CCT6A: variants seen among roughly 807,000 people sequenced by gnomAD.
The protein encoded by CCT6A is T-complex protein 1 subunit zeta.
In CCT6A, 6 loss-of-function variants were observed where a neutral mutation model predicts 58.6. That is an observed-to-expected ratio of 0.10 (90% CI 0.06 to 0.20). CCT6A has a LOEUF of 0.20. Among genes scored for constraint, CCT6A ranks in the 10% least tolerant of loss-of-function variants. The pLI is 1.00. For synonymous variants in CCT6A, 245 were observed against 227.8 expected (o/e 1.08, Z -0.68); for missense variants, 516 against 648.8 (o/e 0.80, Z 2.22).
chr7:56,061,937 A>C, intron 12 of CCT6A, 88 bp downstream of exon 12: 1 of 684,464 alleles, frequency 1.5e-6, no homozygotes, highest in Non-Finnish European at 2.4e-6. Context: ...TTTGCTTTGC[A>C]ATTTGACACC....
rs752536181 is a variant in CCT6A at position 56,056,298 on chromosome 7, C to T, written c.511-13C>T. The T allele has an allele frequency of 9.0e-6, 12 of 1,328,826 alleles. No homozygotes were observed. The highest frequency in any genetic ancestry group is 2.9e-5 in the African/African-American group (2 of 69,340). The allele number at this position is 1,328,826 out of a possible 1,614,324, so 82.3% of individuals were successfully genotyped here. On this transcript the variant is annotated splice_polypyrimidine_tract_variant and intron_variant, in intron 4 of 13. Coordinates refer to ENST00000275603, the MANE Select transcript of CCT6A (RefSeq NM_001762.4). ...ATTGAATTTACTTAACGGTTATGCT[C>T]CTCCAATTGCAGGCTGTAGTGGACT...
chr7:56,061,958 G>T, intron 12 of CCT6A, 109 bp downstream of exon 12: 1 of 570,788 alleles, frequency 1.8e-6, no homozygotes, highest in South Asian at 2.5e-5. Flanking sequence ...AGTGCTGTTA[G>T]GGAACTCTGG....
chr7:56,052,541 C>T, intron 2 of CCT6A, 56 bp downstream of exon 2: 2 of 1,437,080 alleles, frequency 1.4e-6, no homozygotes, highest in South Asian at 1.1e-5. Context: ...AGAATGTTTT[C>T]TTTGTAGAAA....
chr7:56,063,289 A>G lies in CCT6A; in HGVS notation c.*204A>G. 1.7e-6 allele frequency: 1 copy of G among 575,624 alleles called. No homozygotes were observed. The allele number at this position is 575,624 out of a possible 1,614,324, so 35.7% of individuals were successfully genotyped here. On this transcript the variant is annotated 3_prime_UTR_variant, in exon 14 of 14. Coordinates refer to ENST00000275603, the MANE Select transcript of CCT6A (RefSeq NM_001762.4). ...ATTGCACTGAAGTGTATACACATAA[A>G]GCAGGTCTTTTATCCAGTGAACAGG...
At chr7:56,055,464 A>G (rs1460286530) in intron 3 of CCT6A, 160 bp from the exon 4 acceptor site, 3 of 709,428 alleles carry the variant, frequency 4.2e-6, no homozygotes, top group Non-Finnish European at 7.5e-6. Flanking sequence ...TGAAAGGAAT[A>G]TTTGTCCTTT....
At chr7:56,062,523 C>T (rs1321418052) in intron 12 of CCT6A, 160 bp from the exon 13 acceptor site, 17 of 667,084 alleles carry the variant, frequency 2.5e-5, no homozygotes, top group South Asian at 1.0e-4. Flanking sequence ...ATATTGTGGA[C>T]GGGGGTCATG....
At chr7:56,056,862 T>A (rs1218448963) in intron 5 of CCT6A, among the ~76,000 whole-genome samples, 2 of 150,594 alleles carry the variant, frequency 1.3e-5, no homozygotes, top group Non-Finnish European at 3.0e-5. Flanking sequence ...AGTGGCATGA[T>A]CTCGGCTCAC....
Position 56,058,056 on chromosome 7 carries a change from G to A in CCT6A, c.678G>A (p.Glu226=), listed in dbSNP as rs139223504. Residue 226 remains glutamate (E), a synonymous_variant, in exon 6 of 14, where the codon GAG becomes GAA. Transcript: ENST00000275603. Reference sequence around the variant, plus strand: ...ATCCTGATATGAAGAAAAGGGTGGAGGATGCATACATCCTCACTTGTAACG... The same window carrying A: ...ATCCTGATATGAAGAAAAGGGTGGAAGATGCATACATCCTCACTTGTAACG... ...ARHPDMKKRV[E]DAYILTCNVS... 31 of 1,612,152 alleles carry A rather than the reference G, an allele frequency of 1.9e-5. No individual in the cohort carries two copies. The African/African-American group carries it at 3.1e-4, about 16-fold the overall frequency.
chr7:56,062,628 C>A, intron 12 of CCT6A, 55 bp from the exon 13 acceptor site: 1 of 1,385,792 alleles, frequency 7.2e-7, no homozygotes, highest in Non-Finnish European at 1.0e-6. Context: ...AAGCTGCACA[C>A]AATATTGTTG....
chr7:56,056,393 A>G lies in CCT6A; in HGVS notation c.593A>G (p.His198Arg). 3 of 1,558,778 alleles carry G rather than the reference A, an allele frequency of 1.9e-6. No individual in the cohort carries two copies. Among genetic ancestry groups the G allele is most frequent in the Non-Finnish European group, 2.7e-6 (3 of 1,129,514 alleles). Residue 198 changes from histidine (H) to arginine (R), a missense_variant, in exon 5 of 14, where the codon CAT (histidine) becomes CGT (arginine). Coordinates refer to ENST00000275603, the MANE Select transcript of CCT6A (RefSeq NM_001762.4). Reference protein sequence around the residue: ...LFMIEIMEMKHKSETDTSLIR... With the variant: ...LFMIEIMEMKRKSETDTSLIR... ...ATGATTGAGATCATGGAGATGAAACATAAATCTGAAACTGATACAAGGTAG... is the reference window on the plus strand; with the variant it reads ...ATGATTGAGATCATGGAGATGAAACGTAAATCTGAAACTGATACAAGGTAG...
At chr7:56,055,587 A>G (rs781096176) in intron 3 of CCT6A, 37 bp from the exon 4 acceptor site, 39 of 1,517,766 alleles carry the variant, frequency 2.6e-5, no homozygotes, top group Non-Finnish European at 3.6e-5. Flanking sequence ...GGTTGCACCT[A>G]ATTGAAGATG....
At chr7:56,059,366 G>T (rs954128663) in intron 8 of CCT6A, among the ~76,000 whole-genome samples, 178 bp from the exon 9 acceptor site, 2 of 152,180 alleles carry the variant, frequency 1.3e-5, no homozygotes, top group Non-Finnish European at 2.9e-5. Flanking sequence ...TTTAAATGGA[G>T]GGTTAAGAGA....
chr7:56,053,337 A>G (rs1279378311), intron 2 of CCT6A, among the ~76,000 whole-genome samples: 1 of 152,236 alleles, frequency 6.6e-6, no homozygotes, highest in Non-Finnish European at 1.5e-5. Context: ...CCATGCCATC[A>G]ACATCCAGAT....
At chr7:56,061,689 TTTTTTACTATCAGTTATTAGTTCCTG>T in intron 11 of CCT6A, 32 bp from the exon 12 acceptor site, 2 of 522,464 alleles carry the variant, frequency 3.8e-6, no homozygotes, top group Non-Finnish European at 6.6e-6. Flanking sequence ...TTTTTTTTTT[TTTTTTACTATCAGTTATTAGTTCCTG>T]TTTTCTCAAG....
Position 56,063,188 on chromosome 7 carries a change from T to G in CCT6A, c.*103T>G. 1 of 831,844 alleles carries G rather than the reference T, an allele frequency of 1.2e-6. No homozygotes were observed. Among genetic ancestry groups the G allele is most frequent in the East Asian group, 2.4e-5 (1 of 41,000 alleles). 51.5% of individuals were successfully genotyped at this position (831,844 alleles called of 1,614,324 possible). The stretch of plus-strand genomic sequence containing the variant: ...AGCTTCAAATAATTTTGAAAGAAAT[T>G]TTCCCATATGAAAAAAGGAGAGAAC... On this transcript the variant is annotated 3_prime_UTR_variant, in exon 14 of 14. Coordinates refer to ENST00000275603, the MANE Select transcript of CCT6A (RefSeq NM_001762.4).
intron 9 of CCT6A, chr7:56,059,992 G>A (rs1174646579): frequency 1.3e-5 from 6 of 467,558 alleles, no homozygotes; most frequent in South Asian, 5.2e-5. Flanking sequence ...ATGAGCCACC[G>A]TGCCTGGTTC....
At position 56,055,765 on chromosome 7, in the gene CCT6A, G is replaced by T. The variant is rs1194247808; in HGVS notation, c.478G>T (p.Val160Phe). ...DVARTSLRTK[V>F]HAELADVLTE... ...GGCCAGAACATCTCTTCGTACTAAA[G>T]TTCATGCTGAACTTGCAGATGTCTT... Residue 160 changes from valine to phenylalanine, a missense_variant, in exon 4 of 14, where the codon GTT becomes TTT. Coordinates refer to ENST00000275603, the MANE Select transcript of CCT6A (RefSeq NM_001762.4). 2 of 1,613,654 alleles carry T rather than the reference G, an allele frequency of 1.2e-6. No individual in the cohort carries two copies. The highest frequency in any genetic ancestry group is 1.7e-6 in the Non-Finnish European group (2 of 1,179,760).
At chr7:56,058,966 A>C (rs1794372410) in intron 8 of CCT6A, 1 of 255,072 alleles carries the variant, frequency 3.9e-6, no homozygotes, top group South Asian at 1.5e-4. Context: ...TTCTGAATTC[A>C]ATATACTTTT....
In CCT6A at chr7:56,051,811, C is replaced by A. The variant is rs1234835641; in HGVS notation, c.-38C>A. The A allele has an allele frequency of 1.9e-6, 3 of 1,545,352 alleles. No homozygotes were observed. The highest frequency in any genetic ancestry group is 1.7e-6 in the Non-Finnish European group (2 of 1,145,288). The stretch of plus-strand genomic sequence containing the variant: ...CCGGCCACGCCGCGCCGGCTCTGGG[C>A]ACTCAGCATCGTTTCCTTTTCCTCC... On this transcript the variant is annotated 5_prime_UTR_variant, in exon 1 of 14. Transcript: ENST00000275603.
Sources: gnomAD v4.1 joint callset for allele counts (sites outside exome capture counted in the v4.1 genomes callset) on GRCh38, gnomAD v4.1.1 for gene constraint, MANE v1.5 for transcripts, NCBI Gene and HGNC (gene_info 2026-07-23, HGNC 2026-07-21) for gene names.